The following TCFL5 variants were observed in gnomAD, a reference collection of about 807,000 sequenced individuals.
TCFL5 encodes transcription factor like 5.
In TCFL5, 9 loss-of-function variants were observed where a neutral mutation model predicts 44.3. That is an observed-to-expected ratio of 0.20 (90% CI 0.12 to 0.35). TCFL5 has a LOEUF of 0.35. Among genes scored for constraint, TCFL5 ranks in the 10% least tolerant of loss-of-function variants. TCFL5 has a pLI of 1.00. For missense variants in TCFL5, 603 were observed against 613.4 expected, an observed-to-expected ratio of 0.98 and a Z score of 0.18; for synonymous variants, 319 against 271.6, an observed-to-expected ratio of 1.17 and a Z score of -1.72.
chr20:62,860,617 T>C (rs986005518), intron 1 of TCFL5, among the ~76,000 whole-genome samples: 1 of 152,200 alleles, frequency 6.6e-6, no homozygotes, highest in African/African-American at 2.4e-5. Context: ...ACGCAGCCCC[T>C]TCCACAGCCA....
At chr20:62,854,221 G>GCGT in intron 4 of TCFL5, 64 bp from the exon 5 acceptor site, 1 of 1,588,232 alleles carries the variant, frequency 6.3e-7, no homozygotes, top group Non-Finnish European at 8.6e-7. Flanking sequence ...GTAAAAGGAA[G>GCGT]CGTCTCCTGT....
At position 62,860,292 on chromosome 20, in the gene TCFL5, G is replaced by C; in HGVS notation, c.664C>G (p.Arg222Gly). 1 of 1,607,572 alleles carries C rather than the reference G, an allele frequency of 6.2e-7. No homozygotes were observed. The highest frequency in any genetic ancestry group is 1.7e-4 in the Middle Eastern group (1 of 6,028). ...ACATTCATTAGTTCAGATGGATGTCGAATGAGAGTTACCAAACTGCCAAGA... is the reference window on the plus strand; with the variant it reads ...ACATTCATTAGTTCAGATGGATGTCCAATGAGAGTTACCAAACTGCCAAGA... ...GALNNLVTLI[R>G]HPSELMNVPL... The change falls in exon 2 of 6, where the codon CGA becomes GGA. Residue 222 changes from arginine to glycine, a missense_variant. This residue lies in a region of TCFL5 where 540 missense variants were observed against 478.7 expected (regional missense o/e 1.13). Coordinates refer to ENST00000335351, the MANE Select transcript of TCFL5 (RefSeq NM_006602.4).
chr20:62,861,294 A>G lies in TCFL5; in HGVS notation c.377T>C (p.Phe126Ser). 1.7e-6 allele frequency: 2 copies of G among 1,208,244 alleles called. No homozygotes were observed. The highest frequency in any genetic ancestry group is 1.8e-5 in the South Asian group (1 of 57,102). The allele number at this position is 1,208,244 out of a possible 1,614,324, so 74.8% of individuals were successfully genotyped here. Residue 126 changes from phenylalanine (F) to serine (S), a missense_variant, in exon 1 of 6, where the codon TTC (phenylalanine) becomes TCC (serine). Transcript: ENST00000335351. This position sits in a 1 kb window ranked among gnomAD's most constrained non-coding sequence, Gnocchi z 4.0. Reference sequence around the variant, plus strand: ...TAGCAGCATCATGCGCAGCTCCTGGAAGTCGATGTGGCCCAGGCAGGGCGC... The same window carrying G: ...TAGCAGCATCATGCGCAGCTCCTGGGAGTCGATGTGGCCCAGGCAGGGCGC... The part of the protein sequence containing the change: ...ADAPCLGHID[F>S]QELRMMLLSE...
chr20:62,846,690 C>G (rs1012528274), intron 5 of TCFL5, among the ~76,000 whole-genome samples: 3 of 149,874 alleles, frequency 2.0e-5, no homozygotes, highest in African/African-American at 7.4e-5. Context: ...CACCTGAGCC[C>G]AAGAGGACGA....
chr20:62,855,555 TGAG>T (rs2063875082), intron 4 of TCFL5, among the ~76,000 whole-genome samples: 1 of 151,972 alleles, frequency 6.6e-6, no homozygotes, highest in African/African-American at 2.4e-5. Flanking sequence ...TCACCTGAGG[TGAG>T]GAGTTCGAGA....
chr20:62,860,210 G>A lies in TCFL5; in HGVS notation c.746C>T (p.Thr249Ile). The change falls in exon 2 of 6, where the codon ACA becomes ATA. Residue 249 changes from threonine to isoleucine, a missense_variant. By Grantham distance (89) the Thr-to-Ile change is moderately conservative. Around this residue, in one of 4 missense-constraint regions of TCFL5, gnomAD observed 540 missense variants for 478.7 expected, o/e 1.13. Coordinates refer to ENST00000335351, the MANE Select transcript of TCFL5 (RefSeq NM_006602.4). ...GTATGTAAATTGCAAAGCAGTAGTTGTAGCCGCAGTTTTATTTTTCACTAA... is the reference window on the plus strand; with the variant it reads ...GTATGTAAATTGCAAAGCAGTAGTTATAGCCGCAGTTTTATTTTTCACTAA... Reference protein sequence around the residue: ...TALVKNKTAATTTALQFTYPL... With the variant: ...TALVKNKTAAITTALQFTYPL... 1 of 1,613,900 alleles carries A rather than the reference G, an allele frequency of 6.2e-7. No homozygotes were observed. Among genetic ancestry groups the A allele is most frequent in the Non-Finnish European group, 8.5e-7 (1 of 1,179,796 alleles).
chr20:62,852,679 G>A lies in TCFL5; in HGVS notation c.1380+1337C>T, dbSNP rs143050101. On this transcript the variant is annotated intron_variant, in intron 5 of 5. Coordinates refer to ENST00000335351, the MANE Select transcript of TCFL5 (RefSeq NM_006602.4). ...CCGGTCCACAGAAGTATATTCACCC[G>A]GTCCACAGAAGTACAGTCACCCGGT... is the stretch of plus-strand genomic sequence containing the variant. 183 of 984,866 alleles carry A rather than the reference G, an allele frequency of 1.9e-4. No individual in the cohort carries two copies. In the African/African-American group the frequency reaches 2.7e-3, roughly 14 times the overall value. 61.0% of individuals were successfully genotyped at this position (984,866 alleles called of 1,614,324 possible).
Position 62,842,280 on chromosome 20 carries a change from CTT to C in TCFL5, c.1381-185_1381-184del, listed in dbSNP as rs10708211. ...GATTTATATAATAAACAGATTTTAA[CTT>C]TTTTTTTTTCAAATAGCAGTTACAC... On this transcript the variant is annotated intron_variant, in intron 5 of 5. Coordinates refer to ENST00000335351, the MANE Select transcript of TCFL5 (RefSeq NM_006602.4). The surrounding 1 kb of genome is among the most constrained non-coding windows in gnomAD (Gnocchi z 4.3). Among the ~76,000 whole-genome samples the C allele has an allele frequency of 6.7e-6, 1 of 149,640 alleles. No homozygotes were observed. The highest frequency in any genetic ancestry group is 2.5e-5 in the African/African-American group (1 of 40,772).
chr20:62,843,308 TAAG>T (rs1600821053), intron 5 of TCFL5, among the ~76,000 whole-genome samples: 1 of 152,256 alleles, frequency 6.6e-6, no homozygotes, highest in Admixed American at 6.5e-5. Flanking sequence ...AGGTGGGTAA[TAAG>T]GAGTGAAGGC....
At chr20:62,858,557 T>A (rs2063931947) in intron 3 of TCFL5, among the ~76,000 whole-genome samples, 1 of 152,260 alleles carries the variant, frequency 6.6e-6, no homozygotes, top group Non-Finnish European at 1.5e-5. Flanking sequence ...CTTCACCAAC[T>A]CTTGGAAAGC....
At position 62,854,043 on chromosome 20, in the gene TCFL5, C is replaced by G. The variant is rs1279471176; in HGVS notation, c.1353G>C (p.Gln451His). ...TTTTAAGAGAATCTCCATGTCTTTC[C>G]TGGATGTATTTCAGGAATGCTGTGG... is the stretch of plus-strand genomic sequence containing the variant. The part of the protein sequence containing the change: ...QWTTAFLKYI[Q>H]ERHGDSLKKE... Residue 451 changes from glutamine to histidine, a missense_variant, in exon 5 of 6, where the codon CAG becomes CAC. By Grantham distance (24) the Gln-to-His change is conservative (BLOSUM62 0). Coordinates refer to ENST00000335351, the MANE Select transcript of TCFL5 (RefSeq NM_006602.4). 3 of 1,613,924 alleles carry G rather than the reference C, an allele frequency of 1.9e-6. No homozygotes were observed. Among genetic ancestry groups the G allele is most frequent in the Non-Finnish European group, 2.5e-6 (3 of 1,180,020 alleles).
intron 5 of TCFL5, chr20:62,845,927 A>G (rs1304891772): frequency 2.7e-6 from 4 of 1,495,992 alleles, no homozygotes; most frequent in Non-Finnish European, 3.6e-6. Flanking sequence ...GCCTTCAGGA[A>G]TCCGAACCCT....
chr20:62,851,799 C>T (rs2063813725), intron 5 of TCFL5: 1 of 985,398 alleles, frequency 1.0e-6, no homozygotes, highest in Non-Finnish European at 1.2e-6. Context: ...CTAGCCCCAC[C>T]ATGACGTAGA....
At position 62,860,005 on chromosome 20, in the gene TCFL5, G is replaced by A; in HGVS notation, c.831+120C>T. On this transcript the variant is annotated intron_variant, in intron 2 of 5. Transcript: ENST00000335351. ...ATTACAGGTGTCGGCCTTGGCGCCC[G>A]GCTTAAAAGGTTATTAAGCTCACTG... The A allele has an allele frequency of 3.9e-6, 4 of 1,029,424 alleles. No individual in the cohort carries two copies. The South Asian group carries it at 6.6e-5, about 17-fold the overall frequency. The allele number at this position is 1,029,424 out of a possible 1,614,324, so 63.8% of individuals were successfully genotyped here. A position where few individuals can be genotyped will look rare whatever the true frequency, so the allele number is the denominator to read the frequency against.
intron 5 of TCFL5, chr20:62,845,163 C>T (rs1490345099): frequency 2.0e-6 from 2 of 984,174 alleles, no homozygotes; most frequent in African/African-American, 1.8e-5. Context: ...CTCTTGTCGC[C>T]CAGACTGGGG....
At chr20:62,849,035 G>A (rs773502487) in intron 5 of TCFL5, among the ~76,000 whole-genome samples, 76 of 152,236 alleles carry the variant, frequency 5.0e-4, no homozygotes, top group Non-Finnish European at 9.0e-4. Flanking sequence ...GGGCATGGTG[G>A]GCCATGCCTG....
intron 5 of TCFL5, among the ~76,000 whole-genome samples, chr20:62,844,256 T>C (rs963479801): frequency 3.3e-5 from 5 of 152,196 alleles, no homozygotes; most frequent in African/African-American, 1.2e-4. Flanking sequence ...GTTTTTGTTT[T>C]TGAATAGCCA....
At chr20:62,848,726 G>A (rs1426186481) in intron 5 of TCFL5, among the ~76,000 whole-genome samples, 1 of 152,104 alleles carries the variant, frequency 6.6e-6, no homozygotes, top group Non-Finnish European at 1.5e-5. Flanking sequence ...TGACAAGAGC[G>A]AGACTCCGTC....
At position 62,842,413 on chromosome 20, in the gene TCFL5, C is replaced by G. The variant is rs2063689721; in HGVS notation, c.1381-316G>C. Among the ~76,000 whole-genome samples, 1 of 152,068 alleles carries G rather than the reference C, an allele frequency of 6.6e-6. No individual in the cohort carries two copies. Among genetic ancestry groups the G allele is most frequent in the African/African-American group, 2.4e-5 (1 of 41,388 alleles). On this transcript the variant is annotated intron_variant, in intron 5 of 5. Coordinates refer to ENST00000335351, the MANE Select transcript of TCFL5 (RefSeq NM_006602.4). This position sits in a 1 kb window ranked among gnomAD's most constrained non-coding sequence, Gnocchi z 4.3. ...CATGAACGTTTCAACCGCTAATGGGCCCTAGCTAATAAACCTGTAAACCCA... is the reference window on the plus strand; with the variant it reads ...CATGAACGTTTCAACCGCTAATGGGGCCTAGCTAATAAACCTGTAAACCCA...
Sources: allele counts gnomAD v4.1 joint callset (sites outside exome capture counted in the v4.1 genomes callset), GRCh38; gene constraint gnomAD v4.1.1; regional missense constraint gnomAD v4.1.1; non-coding constraint Gnocchi (gnomAD v3.1); transcripts MANE v1.5; gene names NCBI Gene and HGNC (gene_info 2026-07-23, HGNC 2026-07-21).